Variants in GALNTL5 observed in about 807,000 individuals in gnomAD.
GALNTL5 encodes the protein polypeptide N-acetylgalactosaminyltransferase like 5.
A neutral mutation model predicts 51.0 loss-of-function variants in GALNTL5; 44 were observed. The observed-to-expected ratio is 0.86, with a 90% CI of 0.68 to 1.11. GALNTL5 has a LOEUF of 1.11. GALNTL5 is among the 50% of genes least tolerant of loss of function. The pLI is 0.00. For synonymous variants in GALNTL5, 192 were observed against 182.8 expected (o/e 1.05, Z -0.41); for missense variants, 528 against 531.8 (o/e 0.99, Z 0.07).
intron 1 of GALNTL5, among the ~76,000 whole-genome samples, chr7:151,964,858 C>G (rs1400511388): frequency 6.6e-6 from 1 of 152,182 alleles, no homozygotes; most frequent in Non-Finnish European, 1.5e-5. Flanking sequence ...GCCCTGTCTT[C>G]TCATCCCAGA....
chr7:151,973,992 G>A (rs547795082), intron 3 of GALNTL5, among the ~76,000 whole-genome samples: 52 of 152,232 alleles, frequency 3.4e-4, no homozygotes, highest in African/African-American at 1.3e-3. Flanking sequence ...TCTCTGTCCT[G>A]CTGCCGTGTA....
chr7:151,998,583 C>T lies in GALNTL5; in HGVS notation c.659-4131C>T, dbSNP rs185488292. On this transcript the variant is annotated intron_variant, in intron 5 of 8. Transcript: ENST00000392800. Reference sequence around the variant, plus strand: ...AGTCAGAAGTTTGAGACCAGCCTGGCCAACACGGTGAAACCCCATCTCCAC... The same window carrying T: ...AGTCAGAAGTTTGAGACCAGCCTGGTCAACACGGTGAAACCCCATCTCCAC... Among the ~76,000 whole-genome samples the T allele has an allele frequency of 2.1e-3, 318 of 152,070 alleles. 1 individual carries two copies. The highest frequency in any genetic ancestry group is 7.3e-3 in the African/African-American group (303 of 41,490).
At chr7:152,002,193 T>A (rs1447861430) in intron 5 of GALNTL5, among the ~76,000 whole-genome samples, 1 of 152,104 alleles carries the variant, frequency 6.6e-6, no homozygotes, top group Admixed American at 6.5e-5. Context: ...GGCAGGAGAA[T>A]TGCTTGAACC....
intron 7 of GALNTL5, among the ~76,000 whole-genome samples, chr7:152,013,145 T>C (rs1013952589): frequency 2.0e-4 from 31 of 152,094 alleles, no homozygotes; most frequent in African/African-American, 7.2e-4. Context: ...AGCTAAACAT[T>C]GTACATGGAC....
chr7:151,969,126 GT>G (rs1168595640), intron 2 of GALNTL5, among the ~76,000 whole-genome samples: 2 of 152,006 alleles, frequency 1.3e-5, no homozygotes, highest in African/African-American at 4.8e-5. Flanking sequence ...AAAATTTTCG[GT>G]TTTTTATTTT....
chr7:151,994,522 C>T (rs1369009028), intron 5 of GALNTL5, among the ~76,000 whole-genome samples: 3 of 152,018 alleles, frequency 2.0e-5, no homozygotes, highest in African/African-American at 7.2e-5. Context: ...CTCCCTCACC[C>T]ACCCACCAGC....
chr7:151,976,119 T>G (rs1215107459), intron 3 of GALNTL5, among the ~76,000 whole-genome samples: 2 of 152,210 alleles, frequency 1.3e-5, no homozygotes, highest in African/African-American at 2.4e-5. Context: ...CAGTATTTCC[T>G]TATTGATTTT....
At chr7:152,011,382 C>A (rs746913629) in intron 7 of GALNTL5, among the ~76,000 whole-genome samples, 1 of 152,240 alleles carries the variant, frequency 6.6e-6, no homozygotes, top group Non-Finnish European at 1.5e-5. Context: ...CATGGCATTT[C>A]AATTTTCCTG....
At chr7:152,010,150 G>T (rs1026394884) in intron 7 of GALNTL5, among the ~76,000 whole-genome samples, 1 of 151,040 alleles carries the variant, frequency 6.6e-6, no homozygotes, top group African/African-American at 2.4e-5. Flanking sequence ...GTCTTGCTCT[G>T]TCGCCAGGCT....
chr7:151,981,795 G>A (rs1019649992), intron 3 of GALNTL5, among the ~76,000 whole-genome samples: 55 of 150,196 alleles, frequency 3.7e-4, no homozygotes, highest in African/African-American at 9.5e-4. Context: ...CTACGAGTGC[G>A]TGCCACCACA....
chr7:151,975,743 ATGTTTTGG>A (rs1368305460), intron 3 of GALNTL5, among the ~76,000 whole-genome samples: 1 of 151,522 alleles, frequency 6.6e-6, no homozygotes, highest in East Asian at 1.9e-4. Context: ...TGCATCCCAT[ATGTTTTGG>A]TATTTTTTTT....
intron 3 of GALNTL5, among the ~76,000 whole-genome samples, chr7:151,975,182 G>A (rs1417490504): frequency 2.0e-5 from 3 of 152,116 alleles, no homozygotes; most frequent in Admixed American, 6.5e-5. Context: ...AAATTCAGTA[G>A]TGAACCCATT....
chr7:151,979,193 T>C (rs1270866524), intron 3 of GALNTL5, among the ~76,000 whole-genome samples: 1 of 139,666 alleles, frequency 7.2e-6, no homozygotes, highest in African/African-American at 2.7e-5. Context: ...CACTGCAAGC[T>C]CCACCTCCCG....
rs1563017632 is a variant in GALNTL5 at position 151,995,347 on chromosome 7, A to ATTTTTTTT, written c.659-7367_659-7366insTTTTTTTT. 4.4e-5 allele frequency: 4 copies of ATTTTTTTT among 90,978 alleles called. 1 individual carries two copies. The highest frequency in any genetic ancestry group is 6.6e-5 in the Non-Finnish European group (3 of 45,350). The allele number at this position is 90,978 out of a possible 1,614,324, so 5.6% of individuals were successfully genotyped here. A position where few individuals can be genotyped will look rare whatever the true frequency, so the allele number is the denominator to read the frequency against. ...AAGAAATCTACGATCAGTTGGTATG[A>ATTTTTTTT]ATTTTTTTTTTTTTTTTTTTTTTTT... On this transcript the variant is annotated intron_variant, in intron 5 of 8. Transcript: ENST00000392800.
intron 5 of GALNTL5, among the ~76,000 whole-genome samples, chr7:152,001,362 T>C (rs1479110167): frequency 6.6e-5 from 10 of 152,174 alleles, no homozygotes; most frequent in Non-Finnish European, 1.3e-4. Flanking sequence ...CATAAATATA[T>C]GCTTATGTTT....
chr7:152,003,316 A>G (rs577074585), intron 6 of GALNTL5, among the ~76,000 whole-genome samples: 2 of 152,312 alleles, frequency 1.3e-5, no homozygotes, highest in African/African-American at 4.8e-5. Flanking sequence ...ATTTGTTAGC[A>G]GTTTAGGGCT....
intron 5 of GALNTL5, among the ~76,000 whole-genome samples, chr7:151,997,825 G>C (rs1024093760): frequency 6.6e-6 from 1 of 152,082 alleles, no homozygotes; most frequent in South Asian, 2.1e-4. Context: ...TAAACAATTA[G>C]CCATTTGGGA....
intron 5 of GALNTL5, among the ~76,000 whole-genome samples, chr7:151,994,303 C>CT (rs1563017032): frequency 6.6e-6 from 1 of 152,300 alleles, no homozygotes; most frequent in East Asian, 1.9e-4. Flanking sequence ...TTATTCTTTT[C>CT]TTTTTTTCTT....
chr7:151,972,920 C>A (rs904863312), intron 3 of GALNTL5, among the ~76,000 whole-genome samples: 1 of 152,144 alleles, frequency 6.6e-6, no homozygotes, highest in Non-Finnish European at 1.5e-5. Context: ...TGGGGCAATA[C>A]CTAGTGGAGC....
Sources: allele counts gnomAD v4.1 joint callset (sites outside exome capture counted in the v4.1 genomes callset), GRCh38; gene constraint gnomAD v4.1.1; transcripts MANE v1.5; gene names NCBI Gene and HGNC (gene_info 2026-07-23, HGNC 2026-07-21).